Variants in CSMD3 observed in about 807,000 individuals in gnomAD.
CSMD3 encodes the protein CUB and Sushi multiple domains 3, also known as CUB and sushi domain-containing protein 3.
CSMD3 carries 177 observed loss-of-function variants against 435.2 expected under a neutral mutation model. The ratio of observed to expected loss-of-function variants is 0.41; its 90% CI spans 0.36 to 0.46. The LOEUF (loss-of-function observed/expected upper bound fraction) is 0.46. Ranked by LOEUF, CSMD3 falls within the 20% of genes least tolerant of loss-of-function variation. The pLI is 0.34. For synonymous variants in CSMD3, 1,656 were observed against 1,520.5 expected, an observed-to-expected ratio of 1.09 and a Z score of -2.07; for missense variants, 4,265 against 4,504.6, an observed-to-expected ratio of 0.95 and a Z score of 1.52.
intron 12 of CSMD3, among the ~76,000 whole-genome samples, chr8:112,817,222 A>C (rs1019661375): frequency 3.9e-5 from 6 of 152,096 alleles, no homozygotes; most frequent in African/African-American, 1.4e-4. Context: ...AGAAAAATGA[A>C]GGAGTATCAC....
chr8:112,450,808 T>C (rs973863433), intron 32 of CSMD3, among the ~76,000 whole-genome samples: 1 of 152,206 alleles, frequency 6.6e-6, no homozygotes, highest in African/African-American at 2.4e-5. Flanking sequence ...TTTCTTGAGA[T>C]TGTAAATTGG....
intron 16 of CSMD3, among the ~76,000 whole-genome samples, chr8:112,669,436 T>C (rs1421476533): frequency 6.6e-6 from 1 of 152,210 alleles, no homozygotes; most frequent in African/African-American, 2.4e-5. Context: ...TTAACAATGT[T>C]GCCATATCCA....
chr8:112,663,814 G>T (rs887813061), intron 17 of CSMD3, among the ~76,000 whole-genome samples: 8 of 152,242 alleles, frequency 5.3e-5, no homozygotes, highest in Non-Finnish European at 1.2e-4. Context: ...GTTTTCATGA[G>T]AATGAAAGAA....
intron 22 of CSMD3, among the ~76,000 whole-genome samples, chr8:112,618,600 T>A (rs1272742372): frequency 6.6e-6 from 1 of 151,958 alleles, no homozygotes; most frequent in Admixed American, 6.6e-5. Context: ...CCTAGCTCTG[T>A]CTCCAAAAGC....
At chr8:113,389,834 T>G (rs2094454230) in intron 1 of CSMD3, among the ~76,000 whole-genome samples, 1 of 151,810 alleles carries the variant, frequency 6.6e-6, no homozygotes, top group Non-Finnish European at 1.5e-5. Context: ...ATGATTACCC[T>G]TCCCTCTTTG....
intron 6 of CSMD3, among the ~76,000 whole-genome samples, chr8:113,004,773 C>T (rs2131090194): frequency 6.6e-6 from 1 of 151,820 alleles, no homozygotes; most frequent in Non-Finnish European, 1.5e-5. Context: ...AACTTTTAAA[C>T]TTGCTAATTA....
At chr8:112,621,007 TGGGCG>T (rs1563776833) in intron 22 of CSMD3, among the ~76,000 whole-genome samples, 2 of 151,974 alleles carry the variant, frequency 1.3e-5, no homozygotes, top group Non-Finnish European at 2.9e-5. Flanking sequence ...TAGGCCGAGG[TGGGCG>T]GATCACCTGA....
intron 1 of CSMD3, among the ~76,000 whole-genome samples, chr8:113,405,375 A>G (rs1047688671): frequency 2.0e-5 from 3 of 151,598 alleles, no homozygotes; most frequent in Admixed American, 6.6e-5. Context: ...TTGCTAACCA[A>G]TAAAATGTGA....
rs73346015 is a variant in CSMD3, at chr8:112,891,346, C to T, written c.1633+30281G>A. 3.0e-3 allele frequency among the ~76,000 whole-genome samples: 449 copies of T among 151,732 alleles called. 1 individual carries two copies. Among genetic ancestry groups the T allele is most frequent in the African/African-American group, 9.9e-3 (412 of 41,476 alleles). On this transcript the variant is annotated intron_variant, in intron 10 of 70. Transcript: ENST00000297405. ...CTCTGCCATAGAGCCTCCTTCACAACGAGCTGCCCAGCAATCAATCAATTC... is the reference window on the plus strand; with the variant it reads ...CTCTGCCATAGAGCCTCCTTCACAATGAGCTGCCCAGCAATCAATCAATTC...
At chr8:112,417,740 G>T (rs1308528413) in intron 32 of CSMD3, among the ~76,000 whole-genome samples, 1 of 152,022 alleles carries the variant, frequency 6.6e-6, no homozygotes. Context: ...TTCTTTTGGG[G>T]CTAAGAAAAG....
chr8:112,492,745 A>G, intron 30 of CSMD3, 62 bp from the exon 31 acceptor site: 1 of 1,304,480 alleles, frequency 7.7e-7, no homozygotes, highest in Non-Finnish European at 1.1e-6. Flanking sequence ...TCCGTAATAC[A>G]TGGGTTCTGC....
At chr8:112,241,657 C>T (rs2130061320) in intron 66 of CSMD3, 63 bp downstream of exon 66, 3 of 1,120,738 alleles carry the variant, frequency 2.7e-6, no homozygotes, top group Non-Finnish European at 4.1e-6. Flanking sequence ...GTTACTATGC[C>T]AAGAAAATAG....
At chr8:112,627,248 A>T (rs1834553980) in intron 22 of CSMD3, among the ~76,000 whole-genome samples, 1 of 152,088 alleles carries the variant, frequency 6.6e-6, no homozygotes. Context: ...TTTTTCCAGC[A>T]TATTTTCCAA....
chr8:113,415,519 T>C (rs2094578241), intron 1 of CSMD3, among the ~76,000 whole-genome samples: 1 of 152,174 alleles, frequency 6.6e-6, no homozygotes, highest in African/African-American at 2.4e-5. Context: ...TTAATTTTTA[T>C]TTAAAGTTAG....
intron 1 of CSMD3, among the ~76,000 whole-genome samples, chr8:113,367,633 T>C (rs2094320806): frequency 6.6e-6 from 1 of 152,142 alleles, no homozygotes. Context: ...TTTTACACCA[T>C]ACGCCTTCTT....
chr8:113,016,714 T>A (rs1196094093), intron 6 of CSMD3, among the ~76,000 whole-genome samples: 20 of 151,864 alleles, frequency 1.3e-4, no homozygotes, highest in Non-Finnish European at 2.8e-4. Flanking sequence ...AAATTTTCAA[T>A]CTTGAATTAG....
chr8:112,368,867 T>C (rs1025075273), intron 38 of CSMD3, among the ~76,000 whole-genome samples: 6 of 152,272 alleles, frequency 3.9e-5, no homozygotes, highest in African/African-American at 1.4e-4. Flanking sequence ...TGCCTCACAG[T>C]AATTTAAAAA....
intron 4 of CSMD3, among the ~76,000 whole-genome samples, chr8:113,113,925 T>G (rs1462506555): frequency 6.6e-6 from 1 of 152,194 alleles, no homozygotes; most frequent in Non-Finnish European, 1.5e-5. Context: ...TTAAGAGTAT[T>G]GAGCCGACTG....
intron 69 of CSMD3, among the ~76,000 whole-genome samples, chr8:112,230,263 G>A (rs1812966083): frequency 6.6e-6 from 1 of 152,140 alleles, no homozygotes; most frequent in Non-Finnish European, 1.5e-5. Flanking sequence ...CTGTGTAAAT[G>A]CACTATGTTA....
Sources: allele counts gnomAD v4.1 joint callset (sites outside exome capture counted in the v4.1 genomes callset), GRCh38; gene constraint gnomAD v4.1.1; transcripts MANE v1.5; gene names NCBI Gene and HGNC (gene_info 2026-07-23, HGNC 2026-07-21).